The following TNKS variants were observed in gnomAD, a reference collection of about 807,000 sequenced individuals.
TNKS encodes poly [ADP-ribose] polymerase tankyrase-1.
A neutral mutation model predicts 135.8 loss-of-function variants in TNKS; 72 were observed. That is an observed-to-expected ratio of 0.53 (90% CI 0.44 to 0.64). TNKS has a LOEUF of 0.64. Ranked by LOEUF, TNKS falls within the 30% of genes least tolerant of loss-of-function variation. TNKS has a pLI of 0.00. For synonymous variants in TNKS, 849 were observed against 649.3 expected, an observed-to-expected ratio of 1.31 and a Z score of -4.68; for missense variants, 1,769 against 1,674.0, an observed-to-expected ratio of 1.06 and a Z score of -0.99.
chr8:9,757,305 T>G (rs1806890938), intron 20 of TNKS, among the ~76,000 whole-genome samples: 1 of 152,156 alleles, frequency 6.6e-6, no homozygotes. Flanking sequence ...GCCTCTTAGT[T>G]TGATAGATAA....
chr8:9,604,280 A>T (rs1176415333), intron 2 of TNKS, among the ~76,000 whole-genome samples: 2 of 152,148 alleles, frequency 1.3e-5, no homozygotes, highest in African/African-American at 2.4e-5. Flanking sequence ...TACTGTATGT[A>T]CAAAACCTTT....
intron 2 of TNKS, among the ~76,000 whole-genome samples, chr8:9,587,192 G>C (rs750781761): frequency 1.3e-4 from 20 of 151,996 alleles, no homozygotes; most frequent in Non-Finnish European, 2.5e-4. Context: ...GTAATCACCA[G>C]ATTCCTTAGA....
intron 3 of TNKS, among the ~76,000 whole-genome samples, chr8:9,649,490 A>C (rs1801052362): frequency 6.6e-6 from 1 of 152,104 alleles, no homozygotes; most frequent in Admixed American, 6.5e-5. Flanking sequence ...TTTTTTTTTC[A>C]ATTGTTTTTG....
intron 2 of TNKS, among the ~76,000 whole-genome samples, chr8:9,609,021 AT>A (rs1203559562): frequency 8.6e-5 from 13 of 152,036 alleles, no homozygotes; most frequent in Admixed American, 8.5e-4. Context: ...TTTTCGTTAT[AT>A]TTTTATTTCT....
chr8:9,732,161 C>T (rs1214335266), intron 14 of TNKS, among the ~76,000 whole-genome samples: 1 of 152,154 alleles, frequency 6.6e-6, no homozygotes, highest in African/African-American at 2.4e-5. Flanking sequence ...TGTACAGTCT[C>T]TTCTAAAAAG....
chr8:9,598,050 G>C (rs546160155), intron 2 of TNKS, among the ~76,000 whole-genome samples: 1 of 152,068 alleles, frequency 6.6e-6, no homozygotes, highest in South Asian at 2.1e-4. Flanking sequence ...AAGTACAGCA[G>C]AATGTTGGCA....
At chr8:9,566,696 C>T (rs1336259350) in intron 1 of TNKS, among the ~76,000 whole-genome samples, 1 of 150,060 alleles carries the variant, frequency 6.7e-6, no homozygotes, top group African/African-American at 2.5e-5. Context: ...GCAAGCTCCG[C>T]CTCCCGGGTT....
At chr8:9,619,652 T>C (rs1408919240) in intron 3 of TNKS, among the ~76,000 whole-genome samples, 2 of 152,194 alleles carry the variant, frequency 1.3e-5, no homozygotes, top group African/African-American at 2.4e-5. Context: ...AATCCAAATC[T>C]ATGATTTGAT....
chr8:9,767,255 T>G (rs1807508593), intron 25 of TNKS, among the ~76,000 whole-genome samples: 1 of 152,222 alleles, frequency 6.6e-6, no homozygotes, highest in Non-Finnish European at 1.5e-5. Flanking sequence ...AATAGACTTT[T>G]AAAACTCAAA....
At chr8:9,566,882 A>G (rs1234584355) in intron 1 of TNKS, among the ~76,000 whole-genome samples, 1 of 151,986 alleles carries the variant, frequency 6.6e-6, no homozygotes, top group Non-Finnish European at 1.5e-5. Context: ...TGCTGGGATT[A>G]CAGGCGTGAG....
intron 3 of TNKS, among the ~76,000 whole-genome samples, chr8:9,623,726 G>A (rs112876503): frequency 0.034 from 5,108 of 152,192 alleles, 238 homozygotes; most frequent in African/African-American, 0.11. Flanking sequence ...TCTGGGCTGG[G>A]TGCTGTGGCT....
intron 3 of TNKS, among the ~76,000 whole-genome samples, chr8:9,657,897 A>G (rs1428579161): frequency 3.5e-5 from 4 of 113,602 alleles, no homozygotes; most frequent in African/African-American, 6.8e-5. Flanking sequence ...GGTGGTTGCC[A>G]GGCAGAGGGT....
chr8:9,761,781 G>A, intron 21 of TNKS, 145 bp downstream of exon 21: 1 of 819,518 alleles, frequency 1.2e-6, no homozygotes, highest in Non-Finnish European at 1.8e-6. Context: ...CTCAGTTATT[G>A]GCCTCATGCT....
At chr8:9,769,344 C>G (rs1287412816) in intron 25 of TNKS, among the ~76,000 whole-genome samples, 1 of 152,230 alleles carries the variant, frequency 6.6e-6, no homozygotes, top group Non-Finnish European at 1.5e-5. Flanking sequence ...AACATCTGCT[C>G]TAATTCAGGT....
intron 12 of TNKS, among the ~76,000 whole-genome samples, chr8:9,721,003 C>G (rs7462054): frequency 6.6e-6 from 1 of 151,814 alleles, no homozygotes; most frequent in African/African-American, 2.4e-5. Context: ...AATTATAGGC[C>G]GGGCACAGTG....
At chr8:9,610,946 C>G (rs1481626340) in intron 2 of TNKS, among the ~76,000 whole-genome samples, 1 of 152,180 alleles carries the variant, frequency 6.6e-6, no homozygotes, top group Non-Finnish European at 1.5e-5. Flanking sequence ...TATGCAAATG[C>G]TTAACTTGAA....
chr8:9,598,240 G>T (rs1020133218), intron 2 of TNKS, among the ~76,000 whole-genome samples: 1 of 152,076 alleles, frequency 6.6e-6, no homozygotes, highest in East Asian at 1.9e-4. Context: ...GTAGAGACGG[G>T]GTTTCACCGT....
At chr8:9,666,711 A>C (rs931712749) in intron 3 of TNKS, among the ~76,000 whole-genome samples, 18 of 149,956 alleles carry the variant, frequency 1.2e-4, no homozygotes, top group Non-Finnish European at 2.4e-4. Flanking sequence ...ACAGAGTGAG[A>C]CTCTATCTAA....
chr8:9,695,248 T>C (rs557809043), intron 5 of TNKS, among the ~76,000 whole-genome samples: 1 of 152,358 alleles, frequency 6.6e-6, no homozygotes, highest in South Asian at 2.1e-4. Flanking sequence ...CCATAAGAAC[T>C]TTTAATTCTA....
Sources: gnomAD v4.1 joint callset for allele counts (sites outside exome capture counted in the v4.1 genomes callset) on GRCh38, gnomAD v4.1.1 for gene constraint, MANE v1.5 for transcripts, NCBI Gene and HGNC (gene_info 2026-07-23, HGNC 2026-07-21) for gene names.